The following ARHGAP30 variants were observed in gnomAD, a reference collection of about 807,000 sequenced individuals.
ARHGAP30 encodes rho GTPase-activating protein 30.
Under a neutral mutation model 72.0 loss-of-function variants are expected in ARHGAP30, and 23 were observed. The ratio of observed to expected loss-of-function variants is 0.32; its 90% CI spans 0.23 to 0.45. The LOEUF is 0.45. Among genes scored for constraint, ARHGAP30 ranks in the 20% least tolerant of loss-of-function variants. The probability of loss-of-function intolerance (pLI) is 1.00; values close to 1 mark genes in which losing one functional copy is unlikely to be tolerated. For missense variants in ARHGAP30, 1,319 were observed against 1,383.4 expected, an observed-to-expected ratio of 0.95 and a Z score of 0.74; for synonymous variants, 576 against 528.2, an observed-to-expected ratio of 1.09 and a Z score of -1.24.
At position 161,053,284 on chromosome 1, in the gene ARHGAP30, T is replaced by C. The variant is rs139071778; in HGVS notation, c.638A>G (p.Gln213Arg). The C allele has an allele frequency of 5.1e-3, 8,291 of 1,613,958 alleles. 39 individuals carry two copies. The highest frequency in any genetic ancestry group is 6.2e-3 in the Non-Finnish European group (7,262 of 1,180,010). ...VVEFILTHVD[Q>R]LFGGAALSGG... ...AGAGAGGGCAGCACCCCCAAAGAGC[T>C]GGTCCACGTGTGTGAGGATGAACTC... The change falls in exon 6 of 12, where the codon CAG (glutamine) becomes CGG (arginine). Residue 213 changes from glutamine (Q) to arginine (R), a missense_variant. Around this residue, in one of 2 missense-constraint regions of ARHGAP30, gnomAD observed 222 missense variants for 338.2 expected, o/e 0.66. Transcript: ENST00000368013.
chr1:161,065,335 C>A (rs1652680162), intron 1 of ARHGAP30, among the ~76,000 whole-genome samples: 1 of 152,186 alleles, frequency 6.6e-6, no homozygotes, highest in Non-Finnish European at 1.5e-5. Context: ...CCATACAGAA[C>A]AATGTAATAT....
rs1437970529 is a variant in ARHGAP30 at position 161,048,762 on chromosome 1, TTCTC to T, written c.2255_2258del (p.Arg752LysfsTer11). 1 of 1,613,962 alleles carries T rather than the reference TTCTC, an allele frequency of 6.2e-7. No homozygotes were observed. The highest frequency in any genetic ancestry group is 8.5e-7 in the Non-Finnish European group (1 of 1,180,020). ...GGGCTTCCTCTCTTTGTTCATCCTCTTCTCTCTCAATTTCTTTTTCCTTCTCATC... is the reference window on the plus strand; with the variant it reads ...GGGCTTCCTCTCTTTGTTCATCCTCTTCTCAATTTCTTTTTCCTTCTCATC... On this transcript the variant is annotated frameshift_variant, in exon 12 of 12. Coordinates refer to ENST00000368013, the MANE Select transcript of ARHGAP30 (RefSeq NM_001025598.2). LOFTEE classifies it low-confidence loss of function (END_TRUNC).
chr1:161,066,420 G>A (rs1315852993), intron 1 of ARHGAP30, among the ~76,000 whole-genome samples: 1 of 151,170 alleles, frequency 6.6e-6, no homozygotes, highest in Non-Finnish European at 1.5e-5. Context: ...GCCGAGGCGA[G>A]TGGATCACCT....
Position 161,048,201 on chromosome 1 carries a change from C to G in ARHGAP30, c.2820G>C (p.Val940=), listed in dbSNP as rs1489359207. The G allele has an allele frequency of 1.2e-6, 2 of 1,614,078 alleles. No homozygotes were observed. Among genetic ancestry groups the G allele is most frequent in the Non-Finnish European group, 8.5e-7 (1 of 1,180,046 alleles). ...TCTTGGCAAACTGTGGCTTGGGGGG[C>G]ACCACAGGCACAGAGCGGACCTGTT... ...QVQQVRSVPV[V]PPKPQFAKMP... The change falls in exon 12 of 12, where the codon GTG becomes GTC. Residue 940 remains valine, a synonymous_variant. Coordinates refer to ENST00000368013, the MANE Select transcript of ARHGAP30 (RefSeq NM_001025598.2).
chr1:161,052,027 C>T (rs1368038226), intron 9 of ARHGAP30, among the ~76,000 whole-genome samples: 1 of 94,956 alleles, frequency 1.1e-5, no homozygotes, highest in East Asian at 3.1e-4. Context: ...ACCACCACCA[C>T]CACCACCACC....
In ARHGAP30 at chr1:161,048,870, T is replaced by C. The variant is rs760527617; in HGVS notation, c.2151A>G (p.Glu717=). 1.1e-5 allele frequency: 17 copies of C among 1,614,034 alleles called. 2 individuals are homozygous for C. The South Asian group carries it at 1.9e-4, about 18-fold the overall frequency. The part of the protein sequence containing the change: ...EGSREETEAK[E]EKSKGQKKAD... ...CCTTCTTCTGACCTTTGGACTTCTC[T>C]TCCTTGGCCTCTGTCTCTTCCCTAC... is the stretch of plus-strand genomic sequence containing the variant. Residue 717 remains glutamate, a synonymous_variant, in exon 12 of 12, where the codon GAA becomes GAG. Coordinates refer to ENST00000368013, the MANE Select transcript of ARHGAP30 (RefSeq NM_001025598.2).
At chr1:161,051,186 A>C (rs959233808) in intron 10 of ARHGAP30, 128 bp downstream of exon 10, 2 of 1,443,712 alleles carry the variant, frequency 1.4e-6, no homozygotes, top group Non-Finnish European at 1.8e-6. Flanking sequence ...GGAGGCAGCT[A>C]AAGGTAACCA....
chr1:161,064,809 AAG>A (rs1184920233), intron 1 of ARHGAP30, among the ~76,000 whole-genome samples: 1 of 71,406 alleles, frequency 1.4e-5, no homozygotes, highest in Admixed American at 1.3e-4. Context: ...GAAAGAAAGA[AAG>A]AAAGAAAGAA....
At chr1:161,053,588 G>A (rs563127031) in intron 5 of ARHGAP30, among the ~76,000 whole-genome samples, 1 of 151,230 alleles carries the variant, frequency 6.6e-6, no homozygotes, top group East Asian at 1.9e-4. Context: ...AGACTTCTAG[G>A]AAGGAAGCCT....
At position 161,052,533 on chromosome 1, in the gene ARHGAP30, A is replaced by G. The variant is rs761912027; in HGVS notation, c.847T>C (p.Ser283Pro). The G allele has an allele frequency of 6.2e-7, 1 of 1,613,748 alleles. No individual in the cohort carries two copies. Among genetic ancestry groups the G allele is most frequent in the South Asian group, 1.1e-5 (1 of 91,062 alleles). Residue 283 changes from serine to proline, a missense_variant, in exon 8 of 12, where the codon TCT (serine) becomes CCT (proline). Ser to Pro is a moderately conservative substitution (Grantham distance 74). Coordinates refer to ENST00000368013, the MANE Select transcript of ARHGAP30 (RefSeq NM_001025598.2). ...GACCTCCACTTCCTGACCTTCAAAG[A>G]CCCCTTCCTCCTACAAAGAATGGAG... is the stretch of plus-strand genomic sequence containing the variant. ...IEIAEHKRKG[S>P]LKVRKWRSIF...
intron 2 of ARHGAP30, among the ~76,000 whole-genome samples, chr1:161,058,488 G>A (rs1349829619): frequency 6.6e-6 from 1 of 151,194 alleles, no homozygotes; most frequent in Non-Finnish European, 1.5e-5. Flanking sequence ...TTAGCTGGGT[G>A]TGGTGGTGCA....
rs923664637 is a variant in ARHGAP30, at chr1:161,069,812, G to A, written c.-188C>T. The A allele has an allele frequency of 4.6e-5, 28 of 603,192 alleles. No individual in the cohort carries two copies. The highest frequency in any genetic ancestry group is 2.6e-4 in the African/African-American group (14 of 53,832). The allele number at this position is 603,192 out of a possible 1,614,324, so 37.4% of individuals were successfully genotyped here. ...CCTGCCCCTGGGGCCCCGGCCACAC[G>A]GAAGTGGCTGTTGAAGAGGAAGCTA... On this transcript the variant is annotated 5_prime_UTR_variant, in exon 1 of 12. Coordinates refer to ENST00000368013, the MANE Select transcript of ARHGAP30 (RefSeq NM_001025598.2). This position sits in a 1 kb window ranked among gnomAD's most constrained non-coding sequence, Gnocchi z 4.9.
At chr1:161,050,545 G>A (rs527724133) in intron 10 of ARHGAP30, among the ~76,000 whole-genome samples, 1 of 151,946 alleles carries the variant, frequency 6.6e-6, no homozygotes, top group South Asian at 2.1e-4. Context: ...CTGACCTCCA[G>A]TGATCCACCC....
At chr1:161,064,011 C>T (rs979663916) in intron 1 of ARHGAP30, among the ~76,000 whole-genome samples, 3 of 152,226 alleles carry the variant, frequency 2.0e-5, no homozygotes, top group African/African-American at 7.2e-5. Context: ...ATTTTAATTT[C>T]GCTTTGGTCC....
In ARHGAP30 at chr1:161,049,304, C is replaced by T. The variant is rs1415325263; in HGVS notation, c.1717G>A (p.Asp573Asn). ...TGTGCCTCATCCAGAGACAGGTCAT[C>T]CAGGGGTGGCTCCACAGAGAACTCC... ...VEEFSVEPPL[D>N]DLSLDEAQFV... Residue 573 changes from aspartate (D) to asparagine (N), a missense_variant, in exon 12 of 12, where the codon GAT (aspartate) becomes AAT (asparagine). Coordinates refer to ENST00000368013, the MANE Select transcript of ARHGAP30 (RefSeq NM_001025598.2). 6.2e-7 allele frequency: 1 copy of T among 1,613,810 alleles called. No individual in the cohort carries two copies. Among genetic ancestry groups the T allele is most frequent in the South Asian group, 1.1e-5 (1 of 91,070 alleles).
chr1:161,069,781 G>C lies in ARHGAP30; in HGVS notation c.-157C>G. Reference sequence around the variant, plus strand: ...TGGAGGGTGGCCTGGGCAACGGGCAGCAGCTCCTGCCCCTGGGGCCCCGGC... The same window carrying C: ...TGGAGGGTGGCCTGGGCAACGGGCACCAGCTCCTGCCCCTGGGGCCCCGGC... On this transcript the variant is annotated 5_prime_UTR_variant, in exon 1 of 12. Transcript: ENST00000368013. This position sits in a 1 kb window ranked among gnomAD's most constrained non-coding sequence, Gnocchi z 4.9. 1 of 701,208 alleles carries C rather than the reference G, an allele frequency of 1.4e-6. No individual in the cohort carries two copies. The highest frequency in any genetic ancestry group is 1.8e-5 in the South Asian group (1 of 54,458). The allele number at this position is 701,208 out of a possible 1,614,324, so 43.4% of individuals were successfully genotyped here.
intron 1 of ARHGAP30, among the ~76,000 whole-genome samples, chr1:161,064,843 AAG>A (rs1491242967): frequency 1.2e-5 from 1 of 80,742 alleles, no homozygotes; most frequent in East Asian, 4.4e-4. Flanking sequence ...GAAAGAAAGA[AAG>A]AAAGGAAAGG....
chr1:161,048,839 T>C lies in ARHGAP30; in HGVS notation c.2182A>G (p.Ser728Gly), dbSNP rs763361920. ...EKSKGQKKADSMEAKGVEEPG... is the reference protein window; with the variant it reads ...EKSKGQKKADGMEAKGVEEPG... ...TCCTCCACACCTTTAGCCTCCATAC[T>C]GTCAGCCTTCTTCTGACCTTTGGAC... Residue 728 changes from serine to glycine, a missense_variant, in exon 12 of 12, where the codon AGT (serine) becomes GGT (glycine). Physicochemically the swap from Ser to Gly is moderately conservative, Grantham distance 56 (BLOSUM62 0). Coordinates refer to ENST00000368013, the MANE Select transcript of ARHGAP30 (RefSeq NM_001025598.2). 42 of 1,614,096 alleles carry C rather than the reference T, an allele frequency of 2.6e-5. No homozygotes were observed. Among genetic ancestry groups the C allele is most frequent in the Non-Finnish European group, 5.9e-6 (7 of 1,180,044 alleles).
chr1:161,049,614 T>C lies in ARHGAP30; in HGVS notation c.1496A>G (p.Glu499Gly). The stretch of plus-strand genomic sequence containing the variant: ...CTGCACCTCCTGGGACAGCGAGTCC[T>C]CCAGGGCAGGAGCCAAGTCGTCTGG... ...SGPDDLAPAL[E>G]DSLSQEVQDS... is the part of the protein sequence containing the mutation. The change falls in exon 11 of 12, where the codon GAG becomes GGG. Residue 499 changes from glutamate (E) to glycine (G), a missense_variant. By Grantham distance (98) the Glu-to-Gly change is moderately conservative (BLOSUM62 -2). Transcript: ENST00000368013. 6.2e-7 allele frequency: 1 copy of C among 1,614,068 alleles called. No homozygotes were observed. Among genetic ancestry groups the C allele is most frequent in the Non-Finnish European group, 8.5e-7 (1 of 1,179,978 alleles).
Sources: gnomAD v4.1 joint callset for allele counts (sites outside exome capture counted in the v4.1 genomes callset) on GRCh38, gnomAD v4.1.1 for gene constraint, gnomAD v4.1.1 regional missense constraint, Gnocchi (gnomAD v3.1) non-coding constraint, MANE v1.5 for transcripts, NCBI Gene and HGNC (gene_info 2026-07-23, HGNC 2026-07-21) for gene names.